CLUL1: variants seen among roughly 807,000 people sequenced by gnomAD.
The protein encoded by CLUL1 is clusterin like 1.
CLUL1 carries 43 observed loss-of-function variants against 49.4 expected under a neutral mutation model. That is an observed-to-expected ratio of 0.87 (90% confidence interval 0.68 to 1.12). The LOEUF (loss-of-function observed/expected upper bound fraction) is 1.12. Ranked by LOEUF, CLUL1 falls within the 50% of genes most tolerant of loss-of-function variation. The pLI is 0.00. For synonymous variants in CLUL1, 192 were observed against 184.9 expected (o/e 1.04, Z -0.31); for missense variants, 486 against 544.4 (o/e 0.89, Z 1.07).
At chr18:613,873 A>G (rs28674859) in intron 2 of CLUL1, among the ~76,000 whole-genome samples, 7,206 of 152,316 alleles carry the variant, frequency 0.047, 466 homozygotes, top group African/African-American at 0.15. Context: ...ATCTCTAAGC[A>G]AGATAGAGTA....
intron 1 of CLUL1, among the ~76,000 whole-genome samples, chr18:605,762 C>T (rs866023096): frequency 1.3e-5 from 2 of 152,028 alleles, no homozygotes; most frequent in Non-Finnish European, 2.9e-5. Flanking sequence ...CTGCAACCTC[C>T]GCCTACCAGG....
At chr18:612,461 G>T (rs1222105601) in intron 2 of CLUL1, among the ~76,000 whole-genome samples, 1 of 152,104 alleles carries the variant, frequency 6.6e-6, no homozygotes, top group South Asian at 2.1e-4. Flanking sequence ...TGCACCCCTC[G>T]CTCAGAAGGG....
At chr18:607,175 C>T in intron 2 of CLUL1, 76 bp downstream of exon 2, 1 of 690,358 alleles carries the variant, frequency 1.4e-6, no homozygotes, top group Non-Finnish European at 2.6e-6. Flanking sequence ...TCACCCAGGC[C>T]AGAATGCAGT....
intron 1 of CLUL1, among the ~76,000 whole-genome samples, chr18:603,468 T>A (rs1033167616): frequency 3.7e-4 from 53 of 142,536 alleles, no homozygotes; most frequent in African/African-American, 9.0e-4. Context: ...CTTAAAAAAA[T>A]TTTTTTTGAA....
intron 1 of CLUL1, among the ~76,000 whole-genome samples, chr18:597,429 G>A (rs995687014): frequency 6.6e-6 from 1 of 152,264 alleles, no homozygotes; most frequent in African/African-American, 2.4e-5. Context: ...AAAACTACTG[G>A]CAAAAACTAA....
In CLUL1 at chr18:648,771, C is replaced by T. The variant is rs1006693688; in HGVS notation, c.1398-1127C>T. Among the ~76,000 whole-genome samples the T allele has an allele frequency of 2.0e-5, 3 of 152,210 alleles. No individual in the cohort carries two copies. The South Asian group carries it at 6.2e-4, about 32-fold the overall frequency. On this transcript the variant is annotated intron_variant, in intron 9 of 9. Coordinates refer to ENST00000692774, the MANE Select transcript of CLUL1 (RefSeq NM_001393344.1). ...TCCCAGGTTCAAGCGACTCTCATGCCTCAGCCTCCCAAGTAGCTGGGATTA... is the reference window on the plus strand; with the variant it reads ...TCCCAGGTTCAAGCGACTCTCATGCTTCAGCCTCCCAAGTAGCTGGGATTA...
intron 9 of CLUL1, among the ~76,000 whole-genome samples, chr18:648,308 T>A (rs1233204557): frequency 1.3e-5 from 2 of 152,180 alleles, no homozygotes; most frequent in East Asian, 1.9e-4. Context: ...ACTGAGTAAT[T>A]GGGAGATCAA....
chr18:626,864 T>A lies in CLUL1; in HGVS notation c.424-233T>A, dbSNP rs372757937. ...TGACAGAGCAAGACTCCATCTCAAA[T>A]AAGAAAGAAAGAAAGAAAGAAAGAA... On this transcript the variant is annotated intron_variant, in intron 5 of 9. Transcript: ENST00000692774. Among the ~76,000 whole-genome samples, 218 of 70,884 alleles carry A rather than the reference T, an allele frequency of 3.1e-3. 9 individuals carry two copies. Among genetic ancestry groups the A allele is most frequent in the Non-Finnish European group, 4.4e-3 (156 of 35,114 alleles). 46.5% of individuals were successfully genotyped at this position (70,884 alleles called of 152,430 possible).
intron 7 of CLUL1, among the ~76,000 whole-genome samples, chr18:636,426 T>TAA (rs35334950): frequency 0.59 from 89,766 of 151,794 alleles, 26,956 homozygotes; most frequent in African/African-American, 0.68. Flanking sequence ...CATTATGAAA[T>TAA]GTCTTTCCAT....
intron 7 of CLUL1, among the ~76,000 whole-genome samples, chr18:636,330 A>T (rs1019779478): frequency 2.0e-5 from 3 of 152,160 alleles, no homozygotes; most frequent in Non-Finnish European, 1.5e-5. Context: ...AAATTATTAG[A>T]CGTCTTTAAA....
rs184152976 is a variant in CLUL1, at chr18:606,173, G to A, written c.-135-805G>A. ...GTATTTAGCGCCTCTGGCTGGGAAC[G>A]GCTTCCCCATGCTCCTAGGTCAGGG... On this transcript the variant is annotated intron_variant, in intron 1 of 9. Transcript: ENST00000692774. This position sits in a 1 kb window ranked among gnomAD's most constrained non-coding sequence, Gnocchi z 4.1. Among the ~76,000 whole-genome samples, 418 of 152,192 alleles carry A rather than the reference G, an allele frequency of 2.7e-3. 1 individual carries two copies. The highest frequency in any genetic ancestry group is 3.6e-3 in the Non-Finnish European group (246 of 68,010).
At chr18:633,039 CCCAGCTA>C (rs1449485662) in intron 6 of CLUL1, among the ~76,000 whole-genome samples, 2 of 152,094 alleles carry the variant, frequency 1.3e-5, no homozygotes, top group Non-Finnish European at 2.9e-5. Context: ...CACCTGTAAT[CCCAGCTA>C]CTTGGGAGCC....
rs564780184 is a variant in CLUL1 at position 627,293 on chromosome 18, A to T, written c.620A>T (p.Gln207Leu). The change falls in exon 6 of 10, where the codon CAA becomes CTA. Residue 207 changes from glutamine (Q) to leucine (L), a missense_variant. Transcript: ENST00000692774. Reference protein sequence around the residue: ...RSFNVFRQMQQEFDQTFQSHF... With the variant: ...RSFNVFRQMQLEFDQTFQSHF... ...TTTAACGTCTTCAGACAGATGCAGCAAGAGTTTGACCAGACTTTTCAATCA... is the reference window on the plus strand; with the variant it reads ...TTTAACGTCTTCAGACAGATGCAGCTAGAGTTTGACCAGACTTTTCAATCA... The T allele has an allele frequency of 3.1e-6, 5 of 1,613,976 alleles. No homozygotes were observed. In the African/African-American group the frequency reaches 4.0e-5, roughly 13 times the overall value.
intron 2 of CLUL1, chr18:614,726 G>A (rs2073241200): frequency 6.6e-6 from 1 of 152,188 alleles, no homozygotes; most frequent in Admixed American, 6.5e-5. Flanking sequence ...AATCCTAGCT[G>A]GTGTCTACAG....
At chr18:611,757 A>T (rs1320156495) in intron 2 of CLUL1, among the ~76,000 whole-genome samples, 1 of 152,190 alleles carries the variant, frequency 6.6e-6, no homozygotes, top group South Asian at 2.1e-4. Context: ...AGTAAGAAAG[A>T]GGATAGAAAG....
intron 1 of CLUL1, among the ~76,000 whole-genome samples, chr18:600,654 A>C (rs1458077406): frequency 6.6e-6 from 1 of 152,212 alleles, no homozygotes; most frequent in Non-Finnish European, 1.5e-5. Context: ...CTGAGGAATT[A>C]ATAGATTAAG....
chr18:599,798 G>A (rs1468871538), intron 1 of CLUL1, among the ~76,000 whole-genome samples: 1 of 151,938 alleles, frequency 6.6e-6, no homozygotes, highest in East Asian at 1.9e-4. Flanking sequence ...TGGGTGTGTT[G>A]GCGGGCGCCT....
Position 626,915 on chromosome 18 carries a change from GA to G in CLUL1, c.424-179del, listed in dbSNP as rs1233782381. Among the ~76,000 whole-genome samples, 9 of 984 alleles carry G rather than the reference GA, an allele frequency of 9.1e-3. 1 individual carries two copies. The highest frequency in any genetic ancestry group is 0.25 in the East Asian group (1 of 4). 0.6% of individuals were successfully genotyped at this position (984 alleles called of 152,430 possible). On this transcript the variant is annotated intron_variant, in intron 5 of 9. Transcript: ENST00000692774. ...AGAAAGAAAGAAAGAAAGAAAGAAA[GA>G]AAGAAAGAAAGAAGGAAAGAAGGAA...
intron 9 of CLUL1, among the ~76,000 whole-genome samples, chr18:645,784 A>C: frequency 1.5e-5 from 1 of 64,540 alleles, no homozygotes; most frequent in Non-Finnish European, 2.6e-5. Context: ...ACAGAGCGAG[A>C]CTCTGTTTAA....
Sources: gnomAD v4.1 joint callset for allele counts (sites outside exome capture counted in the v4.1 genomes callset) on GRCh38, gnomAD v4.1.1 for gene constraint, Gnocchi (gnomAD v3.1) non-coding constraint, MANE v1.5 for transcripts, NCBI Gene and HGNC (gene_info 2026-07-23, HGNC 2026-07-21) for gene names.